The following UBE2L6 variants were observed in gnomAD, a reference collection of about 807,000 sequenced individuals.
UBE2L6 encodes the protein ubiquitin/ISG15-conjugating enzyme E2 L6.
In UBE2L6, 11 loss-of-function variants were observed where a neutral mutation model predicts 13.6. That is an observed-to-expected ratio of 0.81 (90% CI 0.51 to 1.34). UBE2L6 has a LOEUF of 1.34. Ranked by LOEUF, UBE2L6 falls within the 40% of genes most tolerant of loss-of-function variation. The pLI is 0.00. For synonymous variants in UBE2L6, 74 were observed against 83.2 expected, an observed-to-expected ratio of 0.89 and a Z score of 0.60; for missense variants, 197 against 199.5, an observed-to-expected ratio of 0.99 and a Z score of 0.07.
intron 1 of UBE2L6, chr11:57,567,047 CA>C (rs2135284907): frequency 4.4e-6 from 2 of 454,430 alleles, no homozygotes; most frequent in East Asian, 1.4e-4. Context: ...CTTCCAGGTC[CA>C]CCTCCGCATC....
intron 2 of UBE2L6, among the ~76,000 whole-genome samples, chr11:57,557,579 A>G (rs1945008016): frequency 6.6e-6 from 1 of 151,956 alleles, no homozygotes; most frequent in Non-Finnish European, 1.5e-5. Flanking sequence ...TTTTTGGTAG[A>G]GACAGGGTTT....
chr11:57,557,495 A>T (rs763049089), intron 2 of UBE2L6, among the ~76,000 whole-genome samples: 7 of 151,458 alleles, frequency 4.6e-5, no homozygotes, highest in Non-Finnish European at 7.4e-5. Flanking sequence ...CCTAGGTTCA[A>T]GCGATTCTCC....
chr11:57,559,619 A>G (rs905826830), intron 2 of UBE2L6, among the ~76,000 whole-genome samples: 10 of 152,218 alleles, frequency 6.6e-5, no homozygotes, highest in Non-Finnish European at 1.2e-4. Flanking sequence ...CAAAAAAAAA[A>G]ACAAGTCCAA....
chr11:57,562,996 C>G (rs1220223360), intron 1 of UBE2L6, among the ~76,000 whole-genome samples: 5 of 152,100 alleles, frequency 3.3e-5, no homozygotes, highest in Non-Finnish European at 5.9e-5. Context: ...ACCAAACGAA[C>G]TAAATAAGGC....
In UBE2L6 at chr11:57,552,458, A is replaced by G. The variant is rs922967862; in HGVS notation, c.362T>C (p.Leu121Pro). 6.2e-7 allele frequency: 1 copy of G among 1,614,192 alleles called. No homozygotes were observed. The highest frequency in any genetic ancestry group is 2.2e-5 in the East Asian group (1 of 44,888). The change falls in exon 4 of 4, where the codon CTG (leucine) becomes CCG (proline). Residue 121 changes from leucine to proline, a missense_variant. Leu to Pro is a moderately conservative substitution (Grantham distance 98). Transcript: ENST00000287156. ...CAGCAGGTCAGCGAGGTCCATCCGC[A>G]GGGGCTCCCTGATATTCGGTCTATT... ...LVNRPNIREP[L>P]RMDLADLLTQ...
chr11:57,562,601 C>T (rs563501100), intron 1 of UBE2L6, among the ~76,000 whole-genome samples: 9 of 152,328 alleles, frequency 5.9e-5, no homozygotes, highest in African/African-American at 2.2e-4. Context: ...TGTGTCACAC[C>T]TCACCCAGCT....
At chr11:57,558,100 C>T (rs988365724) in intron 2 of UBE2L6, among the ~76,000 whole-genome samples, 2 of 152,086 alleles carry the variant, frequency 1.3e-5, no homozygotes, top group East Asian at 3.9e-4. Flanking sequence ...TTTTTTGAGA[C>T]AGAGTTTTGC....
At chr11:57,557,933 A>C (rs879611521) in intron 2 of UBE2L6, among the ~76,000 whole-genome samples, 1 of 152,212 alleles carries the variant, frequency 6.6e-6, no homozygotes, top group African/African-American at 2.4e-5. Context: ...GGCTTGCTGT[A>C]TGACTGAGCT....
At chr11:57,564,619 A>C (rs1254771474) in intron 1 of UBE2L6, among the ~76,000 whole-genome samples, 1 of 152,142 alleles carries the variant, frequency 6.6e-6, no homozygotes, top group East Asian at 1.9e-4. Flanking sequence ...CCTGGCTAAC[A>C]TGGTGAAACC....
intron 2 of UBE2L6, 92 bp downstream of exon 2, chr11:57,560,245 G>T: frequency 3.1e-6 from 3 of 965,324 alleles, no homozygotes; most frequent in South Asian, 1.3e-5. Flanking sequence ...ATCTCAAGCA[G>T]GGAAAATTCT....
At chr11:57,554,889 T>C (rs1944985776) in intron 2 of UBE2L6, among the ~76,000 whole-genome samples, 1 of 141,676 alleles carries the variant, frequency 7.1e-6, no homozygotes, top group Admixed American at 7.3e-5. Flanking sequence ...TAGGCCTCAG[T>C]TTCCTCATTT....
chr11:57,566,968 C>G (rs773483665), intron 1 of UBE2L6: 27 of 355,882 alleles, frequency 7.6e-5, no homozygotes, highest in Middle Eastern at 5.5e-4. Context: ...CCTCCTAGAA[C>G]AGGGCCAGCA....
At chr11:57,558,938 G>A (rs571185974) in intron 2 of UBE2L6, among the ~76,000 whole-genome samples, 1 of 152,342 alleles carries the variant, frequency 6.6e-6, no homozygotes, top group Admixed American at 6.5e-5. Context: ...CTATATGGCT[G>A]GAAGGTCTGT....
chr11:57,555,245 A>G (rs563468111), intron 2 of UBE2L6, among the ~76,000 whole-genome samples: 2 of 152,384 alleles, frequency 1.3e-5, no homozygotes, highest in East Asian at 3.9e-4. Context: ...CCAAGTGTCT[A>G]TCAATGGATC....
chr11:57,553,655 C>T (rs1037019096), intron 3 of UBE2L6, among the ~76,000 whole-genome samples: 1 of 152,120 alleles, frequency 6.6e-6, no homozygotes, highest in Non-Finnish European at 1.5e-5. Flanking sequence ...ATGGCAAAAC[C>T]CCTCTCTATT....
At chr11:57,557,193 C>T (rs1443812329) in intron 2 of UBE2L6, among the ~76,000 whole-genome samples, 1 of 152,132 alleles carries the variant, frequency 6.6e-6, no homozygotes, top group Admixed American at 6.6e-5. Context: ...TGGCTCCGTG[C>T]CAACCTCACA....
intron 1 of UBE2L6, among the ~76,000 whole-genome samples, chr11:57,565,461 C>T (rs1241660224): frequency 7.1e-6 from 1 of 140,872 alleles, no homozygotes; most frequent in Admixed American, 7.8e-5. Flanking sequence ...ACCTCCTGGG[C>T]TCAGGTGATC....
At chr11:57,552,638 C>G (rs549567887) in intron 3 of UBE2L6, 129 bp from the exon 4 acceptor site, 9 of 1,217,546 alleles carry the variant, frequency 7.4e-6, no homozygotes, top group Non-Finnish European at 1.0e-5. Flanking sequence ...GATTACTCTA[C>G]GACCAGATCA....
At position 57,560,433 on chromosome 11, in the gene UBE2L6, C is replaced by T. The variant is rs549098309; in HGVS notation, c.28-1G>A. Reference sequence around the variant, plus strand: ...GCTTCTTCTGAAGATCCTCCAGCTCCTGCAGGGGACACAAGTGAGTGGGCA... The same window carrying T: ...GCTTCTTCTGAAGATCCTCCAGCTCTTGCAGGGGACACAAGTGAGTGGGCA... On this transcript the variant is annotated splice_acceptor_variant, in intron 1 of 3. Transcript: ENST00000287156. LOFTEE classifies it high-confidence loss of function. 6.2e-6 allele frequency: 10 copies of T among 1,611,014 alleles called. No individual in the cohort carries two copies. The highest frequency in any genetic ancestry group is 8.5e-6 in the Non-Finnish European group (10 of 1,178,216).
Sources: allele counts gnomAD v4.1 joint callset (sites outside exome capture counted in the v4.1 genomes callset), GRCh38; gene constraint gnomAD v4.1.1; transcripts MANE v1.5; gene names NCBI Gene and HGNC (gene_info 2026-07-23, HGNC 2026-07-21).